The following DLGAP2 variants were observed in gnomAD, a reference collection of about 807,000 sequenced individuals.
DLGAP2 encodes the protein DLG associated protein 2.
Under a neutral mutation model 100.3 loss-of-function variants are expected in DLGAP2, and 26 were observed. That is an observed-to-expected ratio of 0.26 (90% CI 0.19 to 0.36). The LOEUF (loss-of-function observed/expected upper bound fraction) is 0.36. Ranked by LOEUF, DLGAP2 falls within the 10% of genes least tolerant of loss-of-function variation. DLGAP2 has a pLI of 1.00. For synonymous variants in DLGAP2, 886 were observed against 630.1 expected (o/e 1.41, Z -6.08); for missense variants, 1,858 against 1,453.2 (o/e 1.28, Z -4.53).
intron 2 of DLGAP2, among the ~76,000 whole-genome samples, chr8:1,141,896 A>C (rs1796528345): frequency 6.6e-6 from 1 of 152,186 alleles, no homozygotes; most frequent in Non-Finnish European, 1.5e-5. Context: ...ATATTTTCAA[A>C]AATTTCTGAA....
intron 2 of DLGAP2, among the ~76,000 whole-genome samples, chr8:1,130,766 C>A (rs138516918): frequency 3.3e-5 from 5 of 152,202 alleles, no homozygotes; most frequent in Non-Finnish European, 7.3e-5. Context: ...GTCATCTTTG[C>A]GGGAAAATGG....
At chr8:989,162 A>G (rs1371408663) in intron 2 of DLGAP2, among the ~76,000 whole-genome samples, 1 of 151,990 alleles carries the variant, frequency 6.6e-6, no homozygotes, top group Admixed American at 6.6e-5. Flanking sequence ...CGTGTTCCAC[A>G]CTGGCCTTTG....
chr8:1,595,978 C>T (rs1480942953), intron 6 of DLGAP2, among the ~76,000 whole-genome samples: 1 of 151,706 alleles, frequency 6.6e-6, no homozygotes, highest in African/African-American at 2.4e-5. Context: ...CCCATTAACT[C>T]GTCATTTAGC....
chr8:1,391,717 G>T (rs540027658), intron 3 of DLGAP2, among the ~76,000 whole-genome samples: 19 of 152,322 alleles, frequency 1.2e-4, no homozygotes, highest in African/African-American at 4.3e-4. Flanking sequence ...TTTCACTCCA[G>T]TATTTAAGGA....
intron 3 of DLGAP2, among the ~76,000 whole-genome samples, chr8:1,308,783 C>T (rs1800548968): frequency 6.6e-6 from 1 of 152,202 alleles, no homozygotes; most frequent in African/African-American, 2.4e-5. Context: ...CCTCAGCCTC[C>T]CCAAGTGCTG....
intron 2 of DLGAP2, among the ~76,000 whole-genome samples, chr8:1,128,016 T>G (rs1215618905): frequency 6.6e-6 from 1 of 152,244 alleles, no homozygotes; most frequent in Non-Finnish European, 1.5e-5. Flanking sequence ...GGTTTACATG[T>G]TTGCCTTTTT....
intron 1 of DLGAP2, among the ~76,000 whole-genome samples, chr8:740,537 A>T (rs1035909371): frequency 6.6e-6 from 1 of 152,198 alleles, no homozygotes; most frequent in African/African-American, 2.4e-5. Context: ...CAGTTTTGAA[A>T]TTGGTAGAAA....
rs75011375 is a variant in DLGAP2 at position 1,126,650 on chromosome 8, C to T, written c.74-132201C>T. Among the ~76,000 whole-genome samples the T allele has an allele frequency of 7.8e-3, 1,185 of 152,066 alleles. 13 individuals carry two copies. Among genetic ancestry groups the T allele is most frequent in the Non-Finnish European group, 0.013 (870 of 67,966 alleles). The stretch of plus-strand genomic sequence containing the variant: ...CGGGGTGATCAGAGGCTTAGACTCC[C>T]GCTGTGGGCGGTGCTCTGCTGCTGA... On this transcript the variant is annotated intron_variant, in intron 2 of 14. Coordinates refer to ENST00000637795, the MANE Select transcript of DLGAP2 (RefSeq NM_001346810.2).
intron 3 of DLGAP2, among the ~76,000 whole-genome samples, chr8:1,383,787 C>G (rs539168649): frequency 1.3e-5 from 2 of 152,318 alleles, no homozygotes; most frequent in Non-Finnish European, 2.9e-5. Context: ...GAATTAAACT[C>G]CTGGTCAGAT....
chr8:1,601,966 G>GTGTGTGTGTGTGTGTT lies in DLGAP2; in HGVS notation c.1443-24760_1443-24759insTTTGTGTGTGTGTGTG, dbSNP rs1796641265. Among the ~76,000 whole-genome samples, 5 of 151,906 alleles carry GTGTGTGTGTGTGTGTT rather than the reference G, an allele frequency of 3.3e-5. No homozygotes were observed. The South Asian group carries it at 1.0e-3, about 32-fold the overall frequency. On this transcript the variant is annotated intron_variant, in intron 6 of 14. Transcript: ENST00000637795. ...ACAGGGTGTGTGTGTGTGTGTGTGTGTGTGTGTGTGTGTGATCAGCCCGTG... is the reference window on the plus strand; with the variant it reads ...ACAGGGTGTGTGTGTGTGTGTGTGTGTGTGTGTGTGTGTGTTTGTGTGTGTGTGTGATCAGCCCGTG...
intron 2 of DLGAP2, among the ~76,000 whole-genome samples, chr8:1,116,186 G>A (rs1417092917): frequency 2.0e-5 from 3 of 152,184 alleles, no homozygotes; most frequent in Admixed American, 1.3e-4. Flanking sequence ...GGGGACACCC[G>A]CACTGGCCTT....
intron 1 of DLGAP2, among the ~76,000 whole-genome samples, chr8:752,076 G>A (rs1181209611): frequency 6.6e-6 from 1 of 152,230 alleles, no homozygotes; most frequent in Non-Finnish European, 1.5e-5. Context: ...TTCTTCCCTG[G>A]TGTTCACTCA....
In DLGAP2 at chr8:1,180,859, G is replaced by A. The variant is rs574019164; in HGVS notation, c.74-77992G>A. Among the ~76,000 whole-genome samples the A allele has an allele frequency of 1.8e-4, 18 of 99,370 alleles. 2 individuals carry two copies. Among genetic ancestry groups the A allele is most frequent in the East Asian group, 1.2e-3 (4 of 3,312 alleles). The allele number at this position is 99,370 out of a possible 152,430, so 65.2% of individuals were successfully genotyped here. A position where few individuals can be genotyped will look rare whatever the true frequency, so the allele number is the denominator to read the frequency against. ...CCTGTGCAAGGGCAGTACACTTACC[G>A]TCGAATGTGGTGCATGTTGTGTGTA... On this transcript the variant is annotated intron_variant, in intron 2 of 14. Transcript: ENST00000637795.
intron 1 of DLGAP2, among the ~76,000 whole-genome samples, chr8:798,062 T>C (rs767859518): frequency 1.3e-5 from 2 of 152,202 alleles, no homozygotes; most frequent in Non-Finnish European, 2.9e-5. Flanking sequence ...TCTTTTGTAC[T>C]TTAACTGCTC....
intron 2 of DLGAP2, among the ~76,000 whole-genome samples, chr8:1,141,477 A>G (rs1322976067): frequency 2.0e-5 from 3 of 152,296 alleles, no homozygotes; most frequent in South Asian, 2.1e-4. Flanking sequence ...GAGAGCCTAT[A>G]TTATTAAAAA....
At chr8:1,675,449 C>T (rs933015317) in intron 10 of DLGAP2, among the ~76,000 whole-genome samples, 1 of 152,196 alleles carries the variant, frequency 6.6e-6, no homozygotes, top group East Asian at 1.9e-4. Context: ...GCGCAGGGTA[C>T]GCACCAAATA....
intron 3 of DLGAP2, among the ~76,000 whole-genome samples, chr8:1,337,804 ACT>A (rs1238323265): frequency 1.3e-5 from 2 of 152,190 alleles, no homozygotes; most frequent in Non-Finnish European, 2.9e-5. Context: ...ATCTGAGAAG[ACT>A]CTAGTGTCTG....
chr8:1,634,746 G>C (rs34812713), intron 8 of DLGAP2, among the ~76,000 whole-genome samples: 29,064 of 151,972 alleles, frequency 0.19, 2,857 homozygotes, highest in Middle Eastern at 0.36. Flanking sequence ...TCATTACCTC[G>C]TAGAAAAGGA....
chr8:1,273,895 A>G (rs886836830), intron 3 of DLGAP2, among the ~76,000 whole-genome samples: 2 of 152,204 alleles, frequency 1.3e-5, no homozygotes, highest in Non-Finnish European at 2.9e-5. Context: ...ATATCTTCAT[A>G]TATAGCCGGG....
Sources: allele counts gnomAD v4.1 joint callset (sites outside exome capture counted in the v4.1 genomes callset), GRCh38; gene constraint gnomAD v4.1.1; transcripts MANE v1.5; gene names NCBI Gene and HGNC (gene_info 2026-07-23, HGNC 2026-07-21).